Variants in VPS26C observed in about 807,000 individuals in gnomAD.
The protein encoded by VPS26C is VPS26 endosomal protein sorting factor C.
Under a neutral mutation model 30.6 loss-of-function variants are expected in VPS26C, and 19 were observed. The observed-to-expected ratio is 0.62, with a 90% CI of 0.43 to 0.91. The LOEUF (loss-of-function observed/expected upper bound fraction) is 0.91, where lower values mean the gene tolerates loss of function less well. VPS26C is among the 40% of genes least tolerant of loss of function. The pLI is 0.00. For missense variants in VPS26C, 318 were observed against 385.1 expected (o/e 0.83, Z 1.46); for synonymous variants, 132 against 151.5 (o/e 0.87, Z 0.95).
intron 1 of VPS26C, among the ~76,000 whole-genome samples, chr21:37,254,910 G>A (rs1189206216): frequency 6.6e-6 from 1 of 152,158 alleles, no homozygotes; most frequent in East Asian, 1.9e-4. Context: ...CTCTGCTTCA[G>A]GTTAATCCAG....
At chr21:37,265,652 C>T (rs368213604) in intron 1 of VPS26C, among the ~76,000 whole-genome samples, 1 of 151,990 alleles carries the variant, frequency 6.6e-6, no homozygotes, top group African/African-American at 2.4e-5. Flanking sequence ...CTGATATTTC[C>T]GAAGAATCCA....
At chr21:37,265,910 CTTTTTTTTTTTTT>C (rs59649054) in intron 1 of VPS26C, among the ~76,000 whole-genome samples, 1 of 77,224 alleles carries the variant, frequency 1.3e-5, no homozygotes, top group African/African-American at 5.5e-5. Flanking sequence ...AGCTTTTTCT[CTTTTTTTTTTTTT>C]TTTTTTTTTT....
At chr21:37,260,640 G>C (rs878951959) in intron 1 of VPS26C, among the ~76,000 whole-genome samples, 11 of 152,298 alleles carry the variant, frequency 7.2e-5, no homozygotes, top group African/African-American at 2.6e-4. Flanking sequence ...TGAGCCACAG[G>C]AACTGGGATG....
intron 3 of VPS26C, among the ~76,000 whole-genome samples, chr21:37,236,953 T>C (rs2086031883): frequency 6.6e-6 from 1 of 152,198 alleles, no homozygotes; most frequent in Non-Finnish European, 1.5e-5. Flanking sequence ...TTTTGTTTTG[T>C]TTTCTTTTGT....
At chr21:37,255,872 T>TTTTTTTTTTTA (rs2086237890) in intron 1 of VPS26C, among the ~76,000 whole-genome samples, 1 of 144,810 alleles carries the variant, frequency 6.9e-6, no homozygotes, top group African/African-American at 2.5e-5. Context: ...TTTTTTTTTT[T>TTTTTTTTTTTA]AGATAGAGGC....
intron 1 of VPS26C, among the ~76,000 whole-genome samples, chr21:37,243,103 T>A (rs755545621): frequency 6.6e-6 from 1 of 152,158 alleles, no homozygotes; most frequent in Non-Finnish European, 1.5e-5. Context: ...GCTTGATTGA[T>A]CCTGGCAGAG....
intron 1 of VPS26C, among the ~76,000 whole-genome samples, chr21:37,256,186 C>T (rs2086241605): frequency 6.6e-6 from 1 of 152,180 alleles, no homozygotes; most frequent in African/African-American, 2.4e-5. Flanking sequence ...AGTTTTGACA[C>T]AGGACCAAAT....
rs779147724 is a variant in VPS26C at position 37,257,653 on chromosome 21, T to C, written c.57+9585A>G. ...TGAAAGCAGAAAGCAAATGGCAAGC[T>C]GGCTTCCCCTTCCAGCTTTTCACAA... is the stretch of plus-strand genomic sequence containing the variant. On this transcript the variant is annotated intron_variant, in intron 1 of 7. Transcript: ENST00000309117. This position sits in a 1 kb window ranked among gnomAD's most constrained non-coding sequence, Gnocchi z 4.2. 6.6e-6 allele frequency among the ~76,000 whole-genome samples: 1 copy of C among 152,034 alleles called. No homozygotes were observed. Among genetic ancestry groups the C allele is most frequent in the African/African-American group, 2.4e-5 (1 of 41,390 alleles).
At chr21:37,266,327 G>A (rs1423612851) in intron 1 of VPS26C, among the ~76,000 whole-genome samples, 2 of 152,154 alleles carry the variant, frequency 1.3e-5, no homozygotes, top group African/African-American at 4.8e-5. Context: ...ATCCATCCAA[G>A]ACCTTTGTCT....
At chr21:37,244,498 T>C (rs1020684861) in intron 1 of VPS26C, among the ~76,000 whole-genome samples, 1 of 152,234 alleles carries the variant, frequency 6.6e-6, no homozygotes, top group Admixed American at 6.5e-5. Flanking sequence ...CCTCCCAAAG[T>C]GCTGGGATTA....
intron 1 of VPS26C, among the ~76,000 whole-genome samples, chr21:37,258,613 G>T (rs1391432003): frequency 6.6e-6 from 1 of 152,112 alleles, no homozygotes; most frequent in Non-Finnish European, 1.5e-5. Context: ...GCCTAAGAGA[G>T]GGCATGGCTG....
chr21:37,265,772 G>A (rs372427191), intron 1 of VPS26C, among the ~76,000 whole-genome samples: 25 of 152,184 alleles, frequency 1.6e-4, no homozygotes, highest in African/African-American at 4.8e-4. Context: ...GTGAGTTGTG[G>A]CCTTCTCTGT....
At chr21:37,260,843 T>C (rs1334890729) in intron 1 of VPS26C, among the ~76,000 whole-genome samples, 1 of 152,178 alleles carries the variant, frequency 6.6e-6, no homozygotes, top group Non-Finnish European at 1.5e-5. Context: ...TATGTCAAAA[T>C]AAGAATAAAT....
chr21:37,263,877 G>A (rs1380839281), intron 1 of VPS26C, among the ~76,000 whole-genome samples: 1 of 152,178 alleles, frequency 6.6e-6, no homozygotes, highest in Non-Finnish European at 1.5e-5. Context: ...CAGCTCCATT[G>A]CAGCCAGCTA....
At chr21:37,232,893 G>A (rs1425090068) in intron 4 of VPS26C, among the ~76,000 whole-genome samples, 1 of 152,176 alleles carries the variant, frequency 6.6e-6, no homozygotes, top group Non-Finnish European at 1.5e-5. Flanking sequence ...ATTGAACCCA[G>A]GAGGTCAGGT....
chr21:37,267,206 C>CCCACCCA, intron 1 of VPS26C, 32 bp downstream of exon 1: 1 of 962,932 alleles, frequency 1.0e-6, no homozygotes, highest in Non-Finnish European at 1.7e-6. Context: ...CGCCCAACCC[C>CCCACCCA]ACCTCCATCC....
intron 3 of VPS26C, among the ~76,000 whole-genome samples, chr21:37,235,618 G>C (rs1602268216): frequency 6.6e-6 from 1 of 152,120 alleles, no homozygotes; most frequent in East Asian, 1.9e-4. Context: ...AATAAAACTT[G>C]CCTACAATTT....
At position 37,227,694 on chromosome 21, in the gene VPS26C, C is replaced by G; in HGVS notation, c.771G>C (p.Leu257=). ...SVPIYMVFPR[L]FTCPTLETTN... is the part of the protein sequence containing the mutation. ...TGGTCTCCAGTGTAGGGCAGGTGAA[C>G]AGCCTAGGGAAGACCATGTAGATGG... The change falls in exon 7 of 8, where the codon CTG becomes CTC. Residue 257 remains leucine (L), a synonymous_variant. Coordinates refer to ENST00000309117, the MANE Select transcript of VPS26C (RefSeq NM_006052.2). 1 of 1,614,118 alleles carries G rather than the reference C, an allele frequency of 6.2e-7. No homozygotes were observed.
In VPS26C at chr21:37,240,618, C is replaced by T. The variant is rs1242740962; in HGVS notation, c.79G>A (p.Val27Ile). Residue 27 changes from valine (V) to isoleucine (I), a missense_variant, in exon 2 of 8, where the codon GTC becomes ATC. Physicochemically the swap from Val to Ile is conservative, Grantham distance 29. Coordinates refer to ENST00000309117, the MANE Select transcript of VPS26C (RefSeq NM_006052.2). Reference sequence around the variant, plus strand: ...TGGACTGAATCCTTACTCGATATGACCACCACGCCAGAGAGCACTTCCTGG... The same window carrying T: ...TGGACTGAATCCTTACTCGATATGATCACCACGCCAGAGAGCACTTCCTGG... ...HAGEVLSGVV[V>I]ISSKDSVQHQ... The T allele has an allele frequency of 8.7e-6, 14 of 1,614,040 alleles. No individual in the cohort carries two copies. Among genetic ancestry groups the T allele is most frequent in the Non-Finnish European group, 1.1e-5 (13 of 1,179,974 alleles).
Sources: gnomAD v4.1 joint callset for allele counts (sites outside exome capture counted in the v4.1 genomes callset) on GRCh38, gnomAD v4.1.1 for gene constraint, Gnocchi (gnomAD v3.1) non-coding constraint, MANE v1.5 for transcripts, NCBI Gene and HGNC (gene_info 2026-07-23, HGNC 2026-07-21) for gene names.